The following HACD2 variants were observed in gnomAD, a reference collection of about 807,000 sequenced individuals.
HACD2 encodes the protein very-long-chain (3R)-3-hydroxyacyl-CoA dehydratase 2.
A neutral mutation model predicts 31.0 loss-of-function variants in HACD2; 15 were observed. The ratio of observed to expected loss-of-function variants is 0.48; its 90% CI spans 0.32 to 0.75. The LOEUF (loss-of-function observed/expected upper bound fraction) is 0.75. HACD2 is among the 30% of genes least tolerant of loss of function. HACD2 has a pLI of 0.03. For synonymous variants in HACD2, 115 were observed against 122.2 expected, an observed-to-expected ratio of 0.94 and a Z score of 0.39; for missense variants, 283 against 313.0, an observed-to-expected ratio of 0.90 and a Z score of 0.72.
At chr3:123,536,114 C>T (rs1217222319) in intron 3 of HACD2, among the ~76,000 whole-genome samples, 1 of 151,968 alleles carries the variant, frequency 6.6e-6, no homozygotes, top group African/African-American at 2.4e-5. Flanking sequence ...GCTTTTCTTC[C>T]CTTAAAATTT....
intron 4 of HACD2, among the ~76,000 whole-genome samples, chr3:123,517,434 G>A (rs1391897578): frequency 1.3e-5 from 2 of 152,172 alleles, no homozygotes; most frequent in Non-Finnish European, 2.9e-5. Flanking sequence ...CACAGACACT[G>A]CATCAGAATG....
intron 3 of HACD2, among the ~76,000 whole-genome samples, chr3:123,559,633 G>A (rs1038599941): frequency 6.6e-6 from 1 of 152,230 alleles, no homozygotes; most frequent in Non-Finnish European, 1.5e-5. Context: ...GTTTCCAACA[G>A]GGTGTGCCCT....
chr3:123,555,019 T>C (rs959815224), intron 3 of HACD2, among the ~76,000 whole-genome samples: 1 of 152,172 alleles, frequency 6.6e-6, no homozygotes, highest in African/African-American at 2.4e-5. Context: ...AACAACATTA[T>C]CATTCTAAGT....
intron 3 of HACD2, among the ~76,000 whole-genome samples, chr3:123,538,740 G>A (rs765807185): frequency 1.3e-5 from 2 of 152,202 alleles, no homozygotes; most frequent in Non-Finnish European, 2.9e-5. Flanking sequence ...TACGATGTGA[G>A]TATGTGCACC....
chr3:123,582,009 A>G (rs187183560), intron 2 of HACD2, among the ~76,000 whole-genome samples: 27 of 152,370 alleles, frequency 1.8e-4, no homozygotes, highest in Admixed American at 1.7e-3. Flanking sequence ...TATAAAATAC[A>G]TTCAAGGTAA....
At chr3:123,511,143 A>G (rs569484278) in intron 4 of HACD2, among the ~76,000 whole-genome samples, 1 of 152,056 alleles carries the variant, frequency 6.6e-6, no homozygotes, top group Non-Finnish European at 1.5e-5. Context: ...TCTCTTTTTA[A>G]TATTTATGGT....
In HACD2 at chr3:123,521,708, G is replaced by T. The variant is rs533894334; in HGVS notation, c.381+6678C>A. 3.3e-5 allele frequency among the ~76,000 whole-genome samples: 5 copies of T among 152,026 alleles called. No individual in the cohort carries two copies. In the South Asian group the frequency reaches 6.2e-4, roughly 19 times the overall value. On this transcript the variant is annotated intron_variant, in intron 4 of 6. Coordinates refer to ENST00000383657, the MANE Select transcript of HACD2 (RefSeq NM_198402.5). Reference sequence around the variant, plus strand: ...GTGCAGTGGAGGTGAGCCCAGAGCAGAAAAAGATTAACATTAAAGACAAGT... The same window carrying T: ...GTGCAGTGGAGGTGAGCCCAGAGCATAAAAAGATTAACATTAAAGACAAGT...
intron 4 of HACD2, among the ~76,000 whole-genome samples, chr3:123,509,697 C>T (rs990372319): frequency 6.6e-6 from 1 of 151,978 alleles, no homozygotes; most frequent in East Asian, 2.0e-4. Flanking sequence ...GATGGGGTTT[C>T]ACCGTGTTAG....
chr3:123,566,871 C>A (rs768078859), intron 3 of HACD2, among the ~76,000 whole-genome samples: 28 of 152,118 alleles, frequency 1.8e-4, no homozygotes, highest in Non-Finnish European at 3.7e-4. Context: ...GGTAATGGAG[C>A]CAGATATCAC....
At chr3:123,582,791 T>C (rs11918840) in intron 1 of HACD2, among the ~76,000 whole-genome samples, 17,336 of 152,158 alleles carry the variant, frequency 0.11, 1,099 homozygotes, top group Middle Eastern at 0.15. Flanking sequence ...CTGGAACAAT[T>C]ACCCATACCT....
At chr3:123,527,331 T>G (rs2056297213) in intron 4 of HACD2, among the ~76,000 whole-genome samples, 1 of 152,192 alleles carries the variant, frequency 6.6e-6, no homozygotes, top group African/African-American at 2.4e-5. Context: ...AAATGGAAAA[T>G]TCCTGAAAGA....
intron 3 of HACD2, among the ~76,000 whole-genome samples, chr3:123,537,578 T>TACACACACACACACAC (rs201885124): frequency 0.018 from 2,559 of 144,310 alleles, 37 homozygotes; most frequent in Middle Eastern, 0.046. Flanking sequence ...CAACAACAAA[T>TACACACACACACACAC]ACACATACAC....
intron 3 of HACD2, among the ~76,000 whole-genome samples, chr3:123,554,411 GGA>G: frequency 6.6e-6 from 1 of 152,044 alleles, no homozygotes; most frequent in Non-Finnish European, 1.5e-5. Flanking sequence ...TGAGGCAGAA[GGA>G]TCACTTGAGC....
At chr3:123,537,307 T>C (rs1319803683) in intron 3 of HACD2, among the ~76,000 whole-genome samples, 1 of 152,218 alleles carries the variant, frequency 6.6e-6, no homozygotes, top group East Asian at 1.9e-4. Flanking sequence ...TTGCCAGGCA[T>C]GGCAATCCCG....
At chr3:123,504,350 C>A (rs147518368) in intron 4 of HACD2, among the ~76,000 whole-genome samples, 68 of 152,218 alleles carry the variant, frequency 4.5e-4, no homozygotes, top group African/African-American at 1.4e-3. Flanking sequence ...ATCTTCAAAG[C>A]AGGGAACGTG....
chr3:123,554,306 G>C (rs960424887), intron 3 of HACD2, among the ~76,000 whole-genome samples: 4 of 151,802 alleles, frequency 2.6e-5, no homozygotes, highest in African/African-American at 9.7e-5. Flanking sequence ...AATTAAATAA[G>C]AAAACAGAGG....
intron 2 of HACD2, among the ~76,000 whole-genome samples, chr3:123,579,291 A>T (rs367932208): frequency 6.6e-6 from 1 of 150,966 alleles, no homozygotes; most frequent in Admixed American, 6.6e-5. Flanking sequence ...TACTTCTAAC[A>T]TTACCAAGTT....
At chr3:123,498,325 A>G (rs1001019316) in intron 6 of HACD2, among the ~76,000 whole-genome samples, 2 of 152,224 alleles carry the variant, frequency 1.3e-5, no homozygotes, top group African/African-American at 2.4e-5. Context: ...TCTCTTACCA[A>G]AAGGAGGCTG....
intron 4 of HACD2, among the ~76,000 whole-genome samples, chr3:123,516,580 G>A (rs2056140778): frequency 6.6e-6 from 1 of 152,146 alleles, no homozygotes; most frequent in Non-Finnish European, 1.5e-5. Flanking sequence ...TGGTTAAAAA[G>A]TTCTTACCAT....
Sources: gnomAD v4.1 joint callset for allele counts (sites outside exome capture counted in the v4.1 genomes callset) on GRCh38, gnomAD v4.1.1 for gene constraint, MANE v1.5 for transcripts, NCBI Gene and HGNC (gene_info 2026-07-23, HGNC 2026-07-21) for gene names.